The following PDZRN3 variants were observed in gnomAD, a reference collection of about 807,000 sequenced individuals.
PDZRN3 encodes the protein E3 ubiquitin-protein ligase PDZRN3.
PDZRN3 carries 38 observed loss-of-function variants against 85.7 expected under a neutral mutation model. The ratio of observed to expected loss-of-function variants is 0.44; its 90% confidence interval spans 0.34 to 0.58. PDZRN3 has a LOEUF of 0.58. Ranked by LOEUF, PDZRN3 falls within the 20% of genes least tolerant of loss-of-function variation. PDZRN3 has a pLI of 0.01. For missense variants in PDZRN3, 1,629 were observed against 1,506.4 expected (o/e 1.08, Z -1.35); for synonymous variants, 759 against 638.0 (o/e 1.19, Z -2.86).
chr3:73,474,119 T>C (rs557175288), intron 3 of PDZRN3, among the ~76,000 whole-genome samples: 1 of 152,298 alleles, frequency 6.6e-6, no homozygotes, highest in South Asian at 2.1e-4. Context: ...AACCATTCCT[T>C]TACACACCTA....
chr3:73,613,492 G>C (rs1374668189), intron 1 of PDZRN3, among the ~76,000 whole-genome samples: 1 of 152,088 alleles, frequency 6.6e-6, no homozygotes, highest in Non-Finnish European at 1.5e-5. Flanking sequence ...TGGGAGTACA[G>C]GGTACTTGGG....
intron 3 of PDZRN3, among the ~76,000 whole-genome samples, chr3:73,466,350 G>A (rs952867598): frequency 6.6e-6 from 1 of 151,200 alleles, no homozygotes; most frequent in African/African-American, 2.4e-5. Context: ...GGCCCTTGGA[G>A]TTCTTTTATG....
chr3:73,617,066 A>T (rs1702774330), intron 1 of PDZRN3, among the ~76,000 whole-genome samples: 1 of 152,166 alleles, frequency 6.6e-6, no homozygotes, highest in African/African-American at 2.4e-5. Context: ...CAAACACAGC[A>T]AAGACACGGG....
At position 73,563,192 on chromosome 3, in the gene PDZRN3, T is replaced by TTG. The variant is rs1559740019; in HGVS notation, c.918+39161_918+39162insCA. Among the ~76,000 whole-genome samples the TTG allele has an allele frequency of 4.7e-3, 694 of 148,188 alleles. 9 individuals carry two copies. The highest frequency in any genetic ancestry group is 0.016 in the African/African-American group (626 of 40,036). ...CGCCACCACGCCCGGCTATTTTTTT[T>TTG]TTGTTGTTGTTGTTTTGTGTTTTTA... On this transcript the variant is annotated intron_variant, in intron 3 of 9. Coordinates refer to ENST00000263666, the MANE Select transcript of PDZRN3 (RefSeq NM_015009.3).
chr3:73,547,174 C>A (rs181069088), intron 3 of PDZRN3, among the ~76,000 whole-genome samples: 11 of 152,276 alleles, frequency 7.2e-5, no homozygotes, highest in Admixed American at 7.2e-4. Flanking sequence ...AGAAAAAATA[C>A]CCCACAACCT....
chr3:73,599,632 C>T (rs940245812), intron 3 of PDZRN3, among the ~76,000 whole-genome samples: 11 of 152,352 alleles, frequency 7.2e-5, no homozygotes, highest in African/African-American at 1.7e-4. Context: ...TATACACACA[C>T]GGACATTTCA....
chr3:73,612,147 T>A (rs998825988), intron 1 of PDZRN3, among the ~76,000 whole-genome samples: 2 of 152,184 alleles, frequency 1.3e-5, no homozygotes, highest in East Asian at 3.8e-4. Flanking sequence ...GAGCCTAACT[T>A]CATAGAAACT....
At chr3:73,579,260 C>G (rs1462369259) in intron 3 of PDZRN3, among the ~76,000 whole-genome samples, 1 of 152,216 alleles carries the variant, frequency 6.6e-6, no homozygotes, top group Non-Finnish European at 1.5e-5. Context: ...ATGAATATGT[C>G]AGCACCTTGA....
At chr3:73,574,220 G>C (rs1390948082) in intron 3 of PDZRN3, among the ~76,000 whole-genome samples, 4 of 152,140 alleles carry the variant, frequency 2.6e-5, no homozygotes, top group South Asian at 2.1e-4. Flanking sequence ...AAAGCCAAAG[G>C]CTGTCCTCTA....
chr3:73,476,804 C>T (rs369697618), intron 3 of PDZRN3, among the ~76,000 whole-genome samples: 1 of 152,292 alleles, frequency 6.6e-6, no homozygotes, highest in Non-Finnish European at 1.5e-5. Context: ...GGCAAACAGC[C>T]CTGTGAGTGA....
intron 3 of PDZRN3, among the ~76,000 whole-genome samples, chr3:73,444,488 T>C (rs1702710762): frequency 6.6e-6 from 1 of 152,234 alleles, no homozygotes; most frequent in Non-Finnish European, 1.5e-5. Context: ...CCCACCGTGG[T>C]TTATGACCAA....
chr3:73,384,409 CCAG>C lies in PDZRN3; in HGVS notation c.2154_2156del (p.Trp719del). ...TGCGGAAGCCGCTGTTGTGCAGCAT[CCAG>C]GACTCGCGGTACTGCTCCTTGAGCT... On this transcript the variant is annotated inframe_deletion, in exon 10 of 10. Transcript: ENST00000263666. 6.2e-7 allele frequency: 1 copy of C among 1,610,090 alleles called. No individual in the cohort carries two copies. Among genetic ancestry groups the C allele is most frequent in the Non-Finnish European group, 8.5e-7 (1 of 1,179,958 alleles).
chr3:73,592,219 G>A (rs1001374564), intron 3 of PDZRN3, among the ~76,000 whole-genome samples: 7 of 152,116 alleles, frequency 4.6e-5, no homozygotes, highest in East Asian at 1.9e-4. Context: ...CCATTTCCTA[G>A]CAACAATCAT....
intron 3 of PDZRN3, among the ~76,000 whole-genome samples, chr3:73,571,171 T>C (rs914723551): frequency 1.3e-5 from 2 of 152,224 alleles, no homozygotes; most frequent in South Asian, 2.1e-4. Context: ...CTCAGTCCTA[T>C]TGTACTTTCT....
At chr3:73,391,993 G>A (rs1039651818) in intron 5 of PDZRN3, among the ~76,000 whole-genome samples, 2 of 152,182 alleles carry the variant, frequency 1.3e-5, no homozygotes, top group Non-Finnish European at 2.9e-5. Flanking sequence ...CTGAGATGGG[G>A]TCTTCGTGCC....
intron 1 of PDZRN3, among the ~76,000 whole-genome samples, chr3:73,622,351 A>G (rs77892067): frequency 0.053 from 8,091 of 152,252 alleles, 586 homozygotes; most frequent in African/African-American, 0.17. Flanking sequence ...GAGAGGGCAG[A>G]GAGAGGCAAA....
chr3:73,450,441 C>G (rs959841468), intron 3 of PDZRN3, among the ~76,000 whole-genome samples: 3 of 152,204 alleles, frequency 2.0e-5, no homozygotes, highest in Non-Finnish European at 4.4e-5. Context: ...AAGAGCTAGG[C>G]TCAAGCTGAT....
intron 3 of PDZRN3, among the ~76,000 whole-genome samples, chr3:73,588,710 C>T (rs1056985634): frequency 3.9e-5 from 6 of 152,210 alleles, no homozygotes; most frequent in African/African-American, 7.2e-5. Flanking sequence ...CAACACATGA[C>T]AATGACTTTC....
At chr3:73,386,745 G>A (rs1270628489) in intron 8 of PDZRN3, among the ~76,000 whole-genome samples, 2 of 152,210 alleles carry the variant, frequency 1.3e-5, no homozygotes, top group African/African-American at 2.4e-5. Flanking sequence ...TTACTATCTG[G>A]CCCTTTAAGA....
Sources: gnomAD v4.1 joint callset for allele counts (sites outside exome capture counted in the v4.1 genomes callset) on GRCh38, gnomAD v4.1.1 for gene constraint, MANE v1.5 for transcripts, NCBI Gene and HGNC (gene_info 2026-07-23, HGNC 2026-07-21) for gene names.